Variants in NCOA2 observed in about 807,000 individuals in gnomAD.
NCOA2 encodes the protein nuclear receptor coactivator 2, also known as class E basic helix-loop-helix protein 75.
In NCOA2, 21 loss-of-function variants were observed where a neutral mutation model predicts 145.1. The observed-to-expected ratio is 0.14, with a 90% CI of 0.10 to 0.21. The LOEUF is 0.21. Among genes scored for constraint, NCOA2 ranks in the 10% least tolerant of loss-of-function variants. The pLI is 1.00. For missense variants in NCOA2, 1,472 were observed against 1,837.6 expected, an observed-to-expected ratio of 0.80 and a Z score of 3.64; for synonymous variants, 619 against 637.5, an observed-to-expected ratio of 0.97 and a Z score of 0.44.
chr8:70,440,612 A>C, the NCOA2 span, among the ~76,000 whole-genome samples: 1 of 151,064 alleles, frequency 6.6e-6, no homozygotes. Flanking sequence ...GGAAAGAAAG[A>C]AAGAGAGAGC....
At chr8:70,128,557 T>C in intron 17 of NCOA2, 47 bp from the exon 18 acceptor site, 1 of 1,595,916 alleles carries the variant, frequency 6.3e-7, no homozygotes, top group South Asian at 1.1e-5. Flanking sequence ...ACAGAATACA[T>C]TTTACTTTAA....
chr8:70,419,976 T>C, the NCOA2 span, among the ~76,000 whole-genome samples: 3 of 152,232 alleles, frequency 2.0e-5, no homozygotes, highest in South Asian at 4.1e-4. Flanking sequence ...TGGGAAAGCC[T>C]GTGCACATGC....
At chr8:70,381,955 T>C (rs1046925139) in intron 1 of NCOA2, among the ~76,000 whole-genome samples, 2 of 152,176 alleles carry the variant, frequency 1.3e-5, no homozygotes, top group Non-Finnish European at 2.9e-5. Context: ...TTAAAGAATA[T>C]GTTTTAGAAT....
chr8:70,266,896 T>G (rs1586307953), intron 2 of NCOA2, among the ~76,000 whole-genome samples: 1 of 152,356 alleles, frequency 6.6e-6, no homozygotes, highest in South Asian at 2.1e-4. Flanking sequence ...ATTATGTGCT[T>G]CTTAAAGACA....
intron 10 of NCOA2, 22 bp from the exon 11 acceptor site, chr8:70,157,262 A>G: frequency 6.7e-7 from 1 of 1,497,050 alleles, no homozygotes; most frequent in Non-Finnish European, 8.9e-7. Context: ...GAAAAGAAAA[A>G]AATGTAAGAT....
intron 15 of NCOA2, among the ~76,000 whole-genome samples, chr8:70,137,485 G>C (rs1029348588): frequency 1.3e-5 from 2 of 152,186 alleles, no homozygotes; most frequent in Non-Finnish European, 2.9e-5. Context: ...TTATACATTT[G>C]TCCTGTGTTA....
intron 1 of NCOA2, among the ~76,000 whole-genome samples, chr8:70,383,162 T>C (rs779161399): frequency 7.2e-5 from 11 of 152,198 alleles, no homozygotes; most frequent in East Asian, 1.9e-4. Flanking sequence ...AGAGAAGTCC[T>C]ATCAAGACAC....
In NCOA2 at chr8:70,288,608, G is replaced by T. The variant is rs193260495; in HGVS notation, c.-20+8136C>A. On this transcript the variant is annotated intron_variant, in intron 2 of 22. Transcript: ENST00000452400. ...AACAAAAACAAAAAAAAAAAAGGAA[G>T]AAATAAATTACAATATTGGAAATAG... Among the ~76,000 whole-genome samples the T allele has an allele frequency of 8.0e-3, 1,211 of 150,842 alleles. 22 individuals are homozygous for T. Among genetic ancestry groups the T allele is most frequent in the African/African-American group, 0.028 (1,156 of 41,226 alleles).
intron 1 of NCOA2, among the ~76,000 whole-genome samples, chr8:70,338,090 G>A (rs1403516431): frequency 1.3e-5 from 2 of 151,736 alleles, no homozygotes; most frequent in African/African-American, 2.4e-5. Flanking sequence ...ACCAAGATCA[G>A]AGCTCAATTG....
At chr8:70,240,418 A>G (rs1319293146) in intron 2 of NCOA2, among the ~76,000 whole-genome samples, 1 of 152,174 alleles carries the variant, frequency 6.6e-6, no homozygotes, top group Non-Finnish European at 1.5e-5. Flanking sequence ...TACTCCACAA[A>G]TAACACTCCC....
At chr8:70,197,025 T>C (rs1406286495) in intron 4 of NCOA2, among the ~76,000 whole-genome samples, 1 of 152,218 alleles carries the variant, frequency 6.6e-6, no homozygotes, top group Non-Finnish European at 1.5e-5. Context: ...TAGAATGCAG[T>C]AGGCGTCTAA....
intron 1 of NCOA2, among the ~76,000 whole-genome samples, chr8:70,373,337 G>A (rs1236767594): frequency 6.6e-6 from 1 of 152,118 alleles, no homozygotes; most frequent in Non-Finnish European, 1.5e-5. Context: ...GGTTTATGGT[G>A]TTGAATATCT....
chr8:70,230,444 A>G (rs1280204004), intron 2 of NCOA2, among the ~76,000 whole-genome samples: 1 of 152,214 alleles, frequency 6.6e-6, no homozygotes, highest in African/African-American at 2.4e-5. Context: ...CCTGAATTGT[A>G]CACTTTAAAA....
At chr8:70,447,581 GT>G in the NCOA2 span, among the ~76,000 whole-genome samples, 24 of 145,780 alleles carry the variant, frequency 1.6e-4, no homozygotes, top group Middle Eastern at 7.1e-3. Flanking sequence ...TTTGAGACAA[GT>G]TTTTTTTTTC....
At chr8:70,155,851 G>C in intron 11 of NCOA2, 120 bp downstream of exon 11, 1 of 783,646 alleles carries the variant, frequency 1.3e-6, no homozygotes. Flanking sequence ...TTCAAGATAA[G>C]AACAACAAAG....
chr8:70,272,294 G>A (rs1265531686), intron 2 of NCOA2, among the ~76,000 whole-genome samples: 1 of 152,156 alleles, frequency 6.6e-6, no homozygotes, highest in Non-Finnish European at 1.5e-5. Context: ...TAGAAGGAGG[G>A]ATGTTTACAG....
chr8:70,261,677 C>CA (rs1484738513), intron 2 of NCOA2, among the ~76,000 whole-genome samples: 11 of 151,480 alleles, frequency 7.3e-5, no homozygotes, highest in Non-Finnish European at 1.5e-4. Flanking sequence ...AAACGCTTAC[C>CA]AAAAAAGGGA....
chr8:70,388,719 CAG>C (rs1812897602), intron 1 of NCOA2, among the ~76,000 whole-genome samples: 1 of 152,006 alleles, frequency 6.6e-6, no homozygotes, highest in African/African-American at 2.4e-5. Flanking sequence ...AGATAAAACA[CAG>C]AATATTAGAA....
chr8:70,315,451 T>C (rs894696348), intron 1 of NCOA2, among the ~76,000 whole-genome samples: 1 of 152,204 alleles, frequency 6.6e-6, no homozygotes, highest in African/African-American at 2.4e-5. Flanking sequence ...TTAATACTTA[T>C]ATTTAATACC....
Sources: allele counts gnomAD v4.1 joint callset (sites outside exome capture counted in the v4.1 genomes callset), GRCh38; gene constraint gnomAD v4.1.1; transcripts MANE v1.5; gene names NCBI Gene and HGNC (gene_info 2026-07-23, HGNC 2026-07-21).